Variants in SYNPO2 observed in about 807,000 individuals in gnomAD.
SYNPO2 encodes the protein synaptopodin 2, also known as synaptopodin-2.
Under a neutral mutation model 85.0 loss-of-function variants are expected in SYNPO2, and 56 were observed. The observed-to-expected ratio is 0.66, with a 90% CI of 0.53 to 0.82. The LOEUF (loss-of-function observed/expected upper bound fraction) is 0.82. Among genes scored for constraint, SYNPO2 ranks in the 40% least tolerant of loss-of-function variants. SYNPO2 has a pLI of 0.00. For synonymous variants in SYNPO2, 602 were observed against 591.1 expected (o/e 1.02, Z -0.27); for missense variants, 1,575 against 1,534.2 (o/e 1.03, Z -0.44).
chr4:118,887,868 CACAA>C (rs1445680774), upstream of SYNPO2, among the ~76,000 whole-genome samples: 1 of 152,126 alleles, frequency 6.6e-6, no homozygotes, highest in Admixed American at 6.5e-5. Flanking sequence ...CCACAAGTAA[CACAA>C]ACAAACTTTC....
intron 1 of SYNPO2, among the ~76,000 whole-genome samples, chr4:118,937,526 C>T (rs1734150126): frequency 6.6e-6 from 1 of 152,116 alleles, no homozygotes; most frequent in African/African-American, 2.4e-5. Context: ...TAAAGTCTGC[C>T]TCAGACAGTA....
At chr4:119,006,137 T>A (rs1737023156) in intron 1 of SYNPO2, 1 of 153,250 alleles carries the variant, frequency 6.5e-6, no homozygotes, top group Non-Finnish European at 1.5e-5. Context: ...TACTTACAGA[T>A]AAGCCTGAAC....
chr4:119,046,175 T>G (rs1738862520), intron 4 of SYNPO2, among the ~76,000 whole-genome samples: 1 of 152,226 alleles, frequency 6.6e-6, no homozygotes, highest in East Asian at 1.9e-4. Flanking sequence ...TAGTACATAG[T>G]AAAAGTTTTG....
At chr4:119,050,295 G>A (rs1419913940) in intron 4 of SYNPO2, among the ~76,000 whole-genome samples, 1 of 151,378 alleles carries the variant, frequency 6.6e-6, no homozygotes, top group Non-Finnish European at 1.5e-5. Context: ...TCGCCCCACT[G>A]TACTCCAACC....
intron 1 of SYNPO2, among the ~76,000 whole-genome samples, chr4:118,961,099 G>C (rs1440703838): frequency 5.2e-3 from 493 of 94,550 alleles, no homozygotes; most frequent in Middle Eastern, 0.011. Flanking sequence ...CTATTTTACC[G>C]CCCCCCCCCC....
chr4:118,890,697 TTCTCTCTCTCTCTC>T (rs796242049), intron 1 of SYNPO2, among the ~76,000 whole-genome samples: 3 of 81,846 alleles, frequency 3.7e-5, no homozygotes, highest in East Asian at 3.3e-4. Flanking sequence ...TCTCATCGGT[TTCTCTCTCTCTCTC>T]TCTCTCTCTC....
intron 1 of SYNPO2, among the ~76,000 whole-genome samples, chr4:118,875,819 C>T (rs1731895300): frequency 6.6e-6 from 1 of 152,224 alleles, no homozygotes; most frequent in Non-Finnish European, 1.5e-5. Context: ...TGTTTCCACA[C>T]TGGGTGAATT....
intron 1 of SYNPO2, among the ~76,000 whole-genome samples, chr4:118,932,676 CATA>C (rs1733971348): frequency 6.6e-6 from 1 of 152,128 alleles, no homozygotes; most frequent in Non-Finnish European, 1.5e-5. Flanking sequence ...TAAGTTGAAA[CATA>C]AGAACACCTG....
chr4:118,937,504 T>G (rs1378378947), intron 1 of SYNPO2, among the ~76,000 whole-genome samples: 1 of 152,140 alleles, frequency 6.6e-6, no homozygotes, highest in Non-Finnish European at 1.5e-5. Flanking sequence ...ACATGTGTAC[T>G]GCTTATGTGT....
intron 1 of SYNPO2, among the ~76,000 whole-genome samples, chr4:118,971,838 G>T (rs1359693383): frequency 7.5e-6 from 1 of 133,444 alleles, no homozygotes; most frequent in Non-Finnish European, 1.6e-5. Flanking sequence ...AGAAGTGACA[G>T]GAGAGATCCA....
At chr4:119,041,219 A>G (rs1414151558) in intron 4 of SYNPO2, among the ~76,000 whole-genome samples, 1 of 152,258 alleles carries the variant, frequency 6.6e-6, no homozygotes, top group Non-Finnish European at 1.5e-5. Context: ...CTTTTGTTTC[A>G]AATGCAATTG....
chr4:118,894,010 A>G (rs1466462172), intron 1 of SYNPO2, among the ~76,000 whole-genome samples: 2 of 151,058 alleles, frequency 1.3e-5, no homozygotes, highest in East Asian at 1.9e-4. Flanking sequence ...AAAATAAAAT[A>G]AAACTTAAAA....
intron 1 of SYNPO2, among the ~76,000 whole-genome samples, chr4:118,899,437 T>A (rs576312808): frequency 3.3e-5 from 5 of 152,304 alleles, no homozygotes; most frequent in African/African-American, 9.6e-5. Context: ...ATTGACAGAC[T>A]TTTTCAGATT....
chr4:119,051,660 T>C (rs561861489), intron 4 of SYNPO2, among the ~76,000 whole-genome samples: 4 of 152,292 alleles, frequency 2.6e-5, no homozygotes, highest in African/African-American at 9.6e-5. Flanking sequence ...TTGGAATTGA[T>C]TTGTAGAAAA....
rs115809236 is a variant in SYNPO2 at position 119,000,403 on chromosome 4, C to T, written c.106-23027C>T. Among the ~76,000 whole-genome samples, 918 of 152,136 alleles carry T rather than the reference C, an allele frequency of 6.0e-3. 15 individuals carry two copies. The highest frequency in any genetic ancestry group is 0.021 in the African/African-American group (870 of 41,486). ...ACCTTGCTAATAATAAATGAGAGCC[C>T]GCCTCCCTTTGATATGTCCAAGCTG... On this transcript the variant is annotated intron_variant, in intron 1 of 4. Coordinates refer to ENST00000307142, the MANE Select transcript of SYNPO2 (RefSeq NM_133477.3).
intron 1 of SYNPO2, among the ~76,000 whole-genome samples, chr4:119,009,454 T>C (rs2149177951): frequency 6.6e-6 from 1 of 152,296 alleles, no homozygotes; most frequent in East Asian, 1.9e-4. Flanking sequence ...TGAAGCTCAA[T>C]AGAGTTAATA....
intron 1 of SYNPO2, among the ~76,000 whole-genome samples, chr4:118,968,349 CTG>C (rs1735393494): frequency 6.6e-6 from 1 of 152,180 alleles, no homozygotes; most frequent in Non-Finnish European, 1.5e-5. Flanking sequence ...TTGAATGTAA[CTG>C]TTACAGCAAT....
intron 1 of SYNPO2, among the ~76,000 whole-genome samples, chr4:118,911,826 T>C (rs1733148944): frequency 1.3e-5 from 2 of 152,086 alleles, no homozygotes; most frequent in African/African-American, 4.8e-5. Context: ...ACTCCCCCCC[T>C]CCAATCCCAC....
At chr4:118,954,913 G>A (rs74543459) in intron 1 of SYNPO2, among the ~76,000 whole-genome samples, 7,870 of 151,870 alleles carry the variant, frequency 0.052, 261 homozygotes, top group Middle Eastern at 0.15. Flanking sequence ...GGAAATTTAG[G>A]CATAGTAAAA....
Sources: allele counts gnomAD v4.1 joint callset (sites outside exome capture counted in the v4.1 genomes callset), GRCh38; gene constraint gnomAD v4.1.1; transcripts MANE v1.5; gene names NCBI Gene and HGNC (gene_info 2026-07-23, HGNC 2026-07-21).